The following ARHGAP24 variants were observed in gnomAD, a reference collection of about 807,000 sequenced individuals.
ARHGAP24 encodes rho GTPase-activating protein 24.
In ARHGAP24, 50 loss-of-function variants were observed where a neutral mutation model predicts 76.4. That is an observed-to-expected ratio of 0.65 (90% CI 0.52 to 0.83). ARHGAP24 has a LOEUF of 0.83. Among genes scored for constraint, ARHGAP24 ranks in the 40% least tolerant of loss-of-function variants. ARHGAP24 has a pLI of 0.00. For missense variants in ARHGAP24, 930 were observed against 914.2 expected (o/e 1.02, Z -0.22); for synonymous variants, 345 against 323.3 (o/e 1.07, Z -0.72).
chr4:85,879,991 C>T (rs781486649), intron 3 of ARHGAP24, among the ~76,000 whole-genome samples: 1 of 152,096 alleles, frequency 6.6e-6, no homozygotes, highest in African/African-American at 2.4e-5. Flanking sequence ...TGGTAATGCT[C>T]GCTGGCCTGC....
chr4:85,998,754 G>T (rs1337691933), intron 9 of ARHGAP24, among the ~76,000 whole-genome samples: 2 of 152,148 alleles, frequency 1.3e-5, no homozygotes. Context: ...CATGATTGGA[G>T]ATTTTGTAGT....
intron 2 of ARHGAP24, among the ~76,000 whole-genome samples, chr4:85,686,259 A>T (rs908104178): frequency 6.6e-6 from 1 of 152,092 alleles, no homozygotes; most frequent in Non-Finnish European, 1.5e-5. Flanking sequence ...TTAATATGTC[A>T]CATGATACTA....
chr4:85,490,450 T>A (rs905623218), intron 1 of ARHGAP24, among the ~76,000 whole-genome samples: 2 of 152,208 alleles, frequency 1.3e-5, no homozygotes, highest in South Asian at 4.1e-4. Flanking sequence ...TGCTTTTTCT[T>A]GAGTTGGTAG....
At chr4:85,593,001 CTTTAT>C in intron 2 of ARHGAP24, among the ~76,000 whole-genome samples, 1 of 152,118 alleles carries the variant, frequency 6.6e-6, no homozygotes, top group African/African-American at 2.4e-5. Context: ...CATATGGTAG[CTTTAT>C]TTTTAGTTTT....
intron 3 of ARHGAP24, among the ~76,000 whole-genome samples, chr4:85,784,621 G>A (rs1727721472): frequency 1.3e-5 from 2 of 151,930 alleles, no homozygotes; most frequent in Non-Finnish European, 2.9e-5. Flanking sequence ...GCTGGTCAGG[G>A]CCTCCTATTC....
At chr4:85,881,767 A>T (rs544146287) in intron 3 of ARHGAP24, among the ~76,000 whole-genome samples, 1 of 152,298 alleles carries the variant, frequency 6.6e-6, no homozygotes, top group African/African-American at 2.4e-5. Flanking sequence ...ATAGGAACCA[A>T]CATTTGCTGC....
At chr4:85,974,380 A>T (rs1739205485) in intron 6 of ARHGAP24, among the ~76,000 whole-genome samples, 1 of 152,196 alleles carries the variant, frequency 6.6e-6, no homozygotes, top group Admixed American at 6.5e-5. Flanking sequence ...AGGGGAAGTC[A>T]TATAATGAAA....
intron 3 of ARHGAP24, among the ~76,000 whole-genome samples, chr4:85,862,143 A>T (rs952990845): frequency 2.6e-5 from 4 of 151,942 alleles, no homozygotes; most frequent in African/African-American, 7.2e-5. Context: ...CAGCTCTTCC[A>T]TTAGGGCTGA....
intron 2 of ARHGAP24, among the ~76,000 whole-genome samples, chr4:85,662,991 G>T (rs933992340): frequency 9.0e-4 from 136 of 151,894 alleles, no homozygotes; most frequent in Non-Finnish European, 1.4e-3. Context: ...GGATTGACTT[G>T]GTGATGCGGG....
intron 2 of ARHGAP24, among the ~76,000 whole-genome samples, chr4:85,717,164 A>G (rs1307917570): frequency 1.3e-5 from 2 of 152,054 alleles, no homozygotes; most frequent in Non-Finnish European, 2.9e-5. Flanking sequence ...ATGGAGCTTA[A>G]ATCTTCCTAA....
chr4:85,649,640 G>A (rs1721860240), intron 2 of ARHGAP24, among the ~76,000 whole-genome samples: 1 of 152,126 alleles, frequency 6.6e-6, no homozygotes, highest in Non-Finnish European at 1.5e-5. Flanking sequence ...GTTGGCTGTT[G>A]AGATTTATTC....
intron 3 of ARHGAP24, among the ~76,000 whole-genome samples, chr4:85,736,722 T>C (rs1725621340): frequency 6.6e-6 from 1 of 152,184 alleles, no homozygotes; most frequent in African/African-American, 2.4e-5. Flanking sequence ...GATTTTTGTT[T>C]CTGCTGTATC....
At chr4:85,478,199 C>T (rs1007481534) in intron 1 of ARHGAP24, among the ~76,000 whole-genome samples, 12 of 152,294 alleles carry the variant, frequency 7.9e-5, no homozygotes, top group African/African-American at 2.2e-4. Context: ...TAAAATGGAA[C>T]GATGCCTGTT....
intron 3 of ARHGAP24, among the ~76,000 whole-genome samples, chr4:85,773,825 A>G (rs17010847): frequency 0.5 from 75,518 of 152,104 alleles, 22,171 homozygotes; most frequent in Non-Finnish European, 0.68. Flanking sequence ...AGAAATTATT[A>G]CAAAAACTTC....
chr4:85,865,327 G>C (rs1344519959), intron 3 of ARHGAP24, among the ~76,000 whole-genome samples: 1 of 151,472 alleles, frequency 6.6e-6, no homozygotes, highest in African/African-American at 2.4e-5. Flanking sequence ...AATTGTTCTT[G>C]GCTGGCTAAC....
chr4:85,738,305 T>A (rs1293827167), intron 3 of ARHGAP24, among the ~76,000 whole-genome samples: 2 of 151,768 alleles, frequency 1.3e-5, no homozygotes, highest in African/African-American at 4.8e-5. Context: ...CTTTGACCAT[T>A]TGCATATATC....
chr4:85,863,961 T>C (rs80331994), intron 3 of ARHGAP24, among the ~76,000 whole-genome samples: 6,294 of 152,156 alleles, frequency 0.041, 448 homozygotes, highest in African/African-American at 0.14. Context: ...CTGATTTAGA[T>C]AGGACTCATA....
At chr4:85,906,960 G>A (rs1734802469) in intron 3 of ARHGAP24, among the ~76,000 whole-genome samples, 1 of 152,128 alleles carries the variant, frequency 6.6e-6, no homozygotes, top group African/African-American at 2.4e-5. Flanking sequence ...CTTAAGTTCT[G>A]GCAGAAGGGA....
At position 85,972,079 on chromosome 4, in the gene ARHGAP24, C is replaced by G. The variant is rs752915140; in HGVS notation, c.643C>G (p.Leu215Val). The change falls in exon 6 of 10, where the codon CTC (leucine) becomes GTC (valine). Residue 215 changes from leucine to valine, a missense_variant. Leu to Val is a conservative substitution (Grantham distance 32, BLOSUM62 1). Transcript: ENST00000395184. ...HTVASLLKLYLRELPEPVIPY... is the reference protein window; with the variant it reads ...HTVASLLKLYVRELPEPVIPY... ...GGTGGCATCACTTCTTAAGCTGTACCTCCGAGAACTTCCAGAACCAGTTAT... is the reference window on the plus strand; with the variant it reads ...GGTGGCATCACTTCTTAAGCTGTACGTCCGAGAACTTCCAGAACCAGTTAT... 6.2e-7 allele frequency: 1 copy of G among 1,614,024 alleles called. No individual in the cohort carries two copies. Among genetic ancestry groups the G allele is most frequent in the Admixed American group, 1.7e-5 (1 of 60,016 alleles).
Sources: allele counts gnomAD v4.1 joint callset (sites outside exome capture counted in the v4.1 genomes callset), GRCh38; gene constraint gnomAD v4.1.1; transcripts MANE v1.5; gene names NCBI Gene and HGNC (gene_info 2026-07-23, HGNC 2026-07-21).